The following ATP4A variants were observed in gnomAD, a reference collection of about 807,000 sequenced individuals.
The protein encoded by ATP4A is potassium-transporting ATPase alpha chain 1.
A neutral mutation model predicts 112.1 loss-of-function variants in ATP4A; 73 were observed. The ratio of observed to expected loss-of-function variants is 0.65; its 90% confidence interval spans 0.54 to 0.79. The LOEUF (loss-of-function observed/expected upper bound fraction) is 0.79. Among genes scored for constraint, ATP4A ranks in the 30% least tolerant of loss-of-function variants. The pLI is 0.00. For synonymous variants in ATP4A, 588 were observed against 588.9 expected (o/e 1.00, Z 0.02); for missense variants, 1,081 against 1,425.9 (o/e 0.76, Z 3.90).
Position 35,558,523 on chromosome 19 carries a change from C to A in ATP4A, c.1366-27G>T, listed in dbSNP as rs1169669996. 1.9e-6 allele frequency: 3 copies of A among 1,588,660 alleles called. No homozygotes were observed. The highest frequency in any genetic ancestry group is 2.3e-5 in the South Asian group (2 of 87,340). ...TGGGAGCGGGGACCGGTGTCAGGGG[C>A]GAAGCCGGCTACACCAGCCTCCCGG... is the stretch of plus-strand genomic sequence containing the variant. On this transcript the variant is annotated intron_variant, in intron 9 of 21. Coordinates refer to ENST00000262623, the MANE Select transcript of ATP4A (RefSeq NM_000704.3). This position sits in a 1 kb window ranked among gnomAD's most constrained non-coding sequence, Gnocchi z 5.1.
In ATP4A at chr19:35,558,177, T is replaced by A; in HGVS notation, c.1500+185A>T. 1.3e-6 allele frequency: 1 copy of A among 772,900 alleles called. No homozygotes were observed. Among genetic ancestry groups the A allele is most frequent in the East Asian group, 2.8e-5 (1 of 36,248 alleles). The allele number at this position is 772,900 out of a possible 1,614,324, so 47.9% of individuals were successfully genotyped here. On this transcript the variant is annotated intron_variant, in intron 10 of 21. Coordinates refer to ENST00000262623, the MANE Select transcript of ATP4A (RefSeq NM_000704.3). The surrounding 1 kb of genome is among the most constrained non-coding windows in gnomAD (Gnocchi z 5.1). ...GCCGAGGAGAAGCTGTGGGCGGGGC[T>A]GGGTGGTGGGCGGGGCCTTGCCTCT...
At chr19:35,552,796 A>C (rs1193487640) in intron 18 of ATP4A, among the ~76,000 whole-genome samples, 2 of 152,174 alleles carry the variant, frequency 1.3e-5, no homozygotes, top group Non-Finnish European at 2.9e-5. Context: ...TCCACATCTG[A>C]GATGATGCAT....
Position 35,562,656 on chromosome 19 carries a change from G to A in ATP4A, c.217-18C>T, listed in dbSNP as rs748302021. On this transcript the variant is annotated intron_variant, in intron 3 of 21. Transcript: ENST00000262623. ...GAGAGGCCCTGGGACAGAGGGGCAG[G>A]GCGAGGCGGTCCTGGGGGCTTTCCT... The A allele has an allele frequency of 3.2e-6, 5 of 1,571,148 alleles. No homozygotes were observed. Among genetic ancestry groups the A allele is most frequent in the East Asian group, 2.3e-5 (1 of 42,984 alleles).
chr19:35,563,313 G>T (rs928656647), intron 2 of ATP4A, 45 bp from the exon 3 acceptor site: 5 of 1,613,426 alleles, frequency 3.1e-6, no homozygotes, highest in Non-Finnish European at 4.2e-6. Flanking sequence ...GGCTCTCCTG[G>T]CCCCCTCCCC....
chr19:35,552,205 C>T (rs1169768481), intron 18 of ATP4A, among the ~76,000 whole-genome samples: 5 of 152,164 alleles, frequency 3.3e-5, no homozygotes, highest in Admixed American at 3.3e-4. Context: ...TGCCACCATG[C>T]CTGGCAACAC....
At chr19:35,563,070 C>G in intron 3 of ATP4A, 139 bp downstream of exon 3, 4 of 851,980 alleles carry the variant, frequency 4.7e-6, no homozygotes, top group Non-Finnish European at 7.2e-6. Flanking sequence ...TTTTCTGCCT[C>G]CCTCCCTCTC....
Position 35,558,787 on chromosome 19 carries a change from C to A in ATP4A, c.1256-101G>T. 7.3e-7 allele frequency: 1 copy of A among 1,361,024 alleles called. No homozygotes were observed. The allele number at this position is 1,361,024 out of a possible 1,614,324, so 84.3% of individuals were successfully genotyped here. A position where few individuals can be genotyped will look rare whatever the true frequency, so the allele number is the denominator to read the frequency against. On this transcript the variant is annotated intron_variant, in intron 8 of 21. Coordinates refer to ENST00000262623, the MANE Select transcript of ATP4A (RefSeq NM_000704.3). This position sits in a 1 kb window ranked among gnomAD's most constrained non-coding sequence, Gnocchi z 5.1. Reference sequence around the variant, plus strand: ...TCATATCGCGGGCCCCCTCCCCAGACCTGGGTGGAATTGGGTTCCACCCAA... The same window carrying A: ...TCATATCGCGGGCCCCCTCCCCAGAACTGGGTGGAATTGGGTTCCACCCAA...
rs1397272728 is a variant in ATP4A at position 35,550,667 on chromosome 19, G to T, written c.3080-24C>A. The stretch of plus-strand genomic sequence containing the variant: ...GCCTGGGAGAGAGAGGGAGAAAGGA[G>T]ACTCAGTGCTGGGGGTGCCACTTAG... On this transcript the variant is annotated intron_variant, in intron 21 of 21. Coordinates refer to ENST00000262623, the MANE Select transcript of ATP4A (RefSeq NM_000704.3). The surrounding 1 kb of genome is among the most constrained non-coding windows in gnomAD (Gnocchi z 4.1). 3 of 1,613,726 alleles carry T rather than the reference G, an allele frequency of 1.9e-6. No individual in the cohort carries two copies. The highest frequency in any genetic ancestry group is 1.7e-6 in the Non-Finnish European group (2 of 1,179,840).
chr19:35,560,994 C>A lies in ATP4A; in HGVS notation c.421-62G>T. On this transcript the variant is annotated intron_variant, in intron 4 of 21. Transcript: ENST00000262623. The surrounding 1 kb of genome is among the most constrained non-coding windows in gnomAD (Gnocchi z 5.1). ...CCGGAAGCTGCCTGCCTGAGGCCAC[C>A]GACCTGCTCCCTGGTGCCCTGGTTT... is the stretch of plus-strand genomic sequence containing the variant. The A allele has an allele frequency of 7.2e-7, 1 of 1,394,042 alleles. No homozygotes were observed. The highest frequency in any genetic ancestry group is 1.0e-6 in the Non-Finnish European group (1 of 982,470). The allele number at this position is 1,394,042 out of a possible 1,614,324, so 86.4% of individuals were successfully genotyped here.
At position 35,559,719 on chromosome 19, in the gene ATP4A, G is replaced by T; in HGVS notation, c.1056+86C>A. 6.5e-7 allele frequency: 1 copy of T among 1,529,938 alleles called. No individual in the cohort carries two copies. Among genetic ancestry groups the T allele is most frequent in the East Asian group, 2.3e-5 (1 of 42,862 alleles). The allele number at this position is 1,529,938 out of a possible 1,614,324, so 94.8% of individuals were successfully genotyped here. A position where few individuals can be genotyped will look rare whatever the true frequency, so the allele number is the denominator to read the frequency against. ...AGCTAAGTGGACAGATAGACAGGCA[G>T]GGAGGTGATGGGGGAAATGTGGAGG... is the stretch of plus-strand genomic sequence containing the variant. On this transcript the variant is annotated intron_variant, in intron 7 of 21. Transcript: ENST00000262623. This position sits in a 1 kb window ranked among gnomAD's most constrained non-coding sequence, Gnocchi z 4.1.
Position 35,555,393 on chromosome 19 carries a change from A to T in ATP4A, c.2157+47T>A, listed in dbSNP as rs534088203. 3.1e-6 allele frequency: 5 copies of T among 1,591,770 alleles called. No homozygotes were observed. The highest frequency in any genetic ancestry group is 4.3e-6 in the Non-Finnish European group (5 of 1,167,858). ...GTCAGTGAGAGGCCGGTCCAAGACCAGCCCCGCCTGTCTGCCCGCCTGCCC... is the reference window on the plus strand; with the variant it reads ...GTCAGTGAGAGGCCGGTCCAAGACCTGCCCCGCCTGTCTGCCCGCCTGCCC... On this transcript the variant is annotated intron_variant, in intron 14 of 21. Transcript: ENST00000262623. The surrounding 1 kb of genome is among the most constrained non-coding windows in gnomAD (Gnocchi z 6.6).
chr19:35,562,174 C>G (rs1362609161), intron 4 of ATP4A, among the ~76,000 whole-genome samples: 4 of 152,122 alleles, frequency 2.6e-5, no homozygotes, highest in African/African-American at 9.7e-5. Context: ...CCATCTCTTA[C>G]GTATCACATT....
Position 35,560,494 on chromosome 19 carries a change from G to A in ATP4A, c.656C>T (p.Ala219Val). The A allele has an allele frequency of 6.2e-7, 1 of 1,613,554 alleles. No homozygotes were observed. Among genetic ancestry groups the A allele is most frequent in the African/African-American group, 1.3e-5 (1 of 75,044 alleles). ...GGAGTTGTCCACCTTGCAGCCCTGG[G>A]CCGCCAGGATGCGGATGTCGGCGGG... ...RVPADIRILA[A>V]QGCKVDNSSL... is the part of the protein sequence containing the mutation. Residue 219 changes from alanine to valine, a missense_variant, in exon 6 of 22, where the codon GCC becomes GTC. By Grantham distance (64) the Ala-to-Val change is moderately conservative. This residue lies in a region of ATP4A where 850 missense variants were observed against 1,068.2 expected (regional missense o/e 0.80). Transcript: ENST00000262623. The surrounding 1 kb of genome is among the most constrained non-coding windows in gnomAD (Gnocchi z 5.1).
chr19:35,556,829 T>G, intron 12 of ATP4A, 84 bp downstream of exon 12: 1 of 1,504,652 alleles, frequency 6.6e-7, no homozygotes, highest in Non-Finnish European at 9.0e-7. Context: ...CAGTTTCAGG[T>G]GGGTTTGTCA....
At position 35,559,002 on chromosome 19, in the gene ATP4A, C is replaced by T. The variant is rs1319277566; in HGVS notation, c.1246G>A (p.Asp416Asn). The change falls in exon 8 of 22, where the codon GAC (aspartate) becomes AAC (asparagine). Residue 416 changes from aspartate to asparagine, a missense_variant. Coordinates refer to ENST00000262623, the MANE Select transcript of ATP4A (RefSeq NM_000704.3). The surrounding 1 kb of genome is among the most constrained non-coding windows in gnomAD (Gnocchi z 4.1). ...CCTCCCTCCCCCACACCTGACTGGT[C>T]TTCCGTGGTGTCAGCTGTGTGGATG... Reference protein sequence around the residue: ...NHIHTADTTEDQSGQTFDQSS... With the variant: ...NHIHTADTTENQSGQTFDQSS... 6.2e-7 allele frequency: 1 copy of T among 1,614,182 alleles called. No individual in the cohort carries two copies. Among genetic ancestry groups the T allele is most frequent in the Admixed American group, 1.7e-5 (1 of 60,032 alleles).
chr19:35,555,721 T>C lies in ATP4A; in HGVS notation c.1961A>G (p.Asp654Gly), dbSNP rs1248791439. 5.0e-6 allele frequency: 8 copies of C among 1,612,914 alleles called. No homozygotes were observed. The highest frequency in any genetic ancestry group is 6.8e-6 in the Non-Finnish European group (8 of 1,179,008). The change falls in exon 13 of 22, where the codon GAC becomes GGC. Residue 654 changes from aspartate to glycine, a missense_variant. Asp to Gly is a moderately conservative substitution (Grantham distance 94). Transcript: ENST00000262623. The surrounding 1 kb of genome is among the most constrained non-coding windows in gnomAD (Gnocchi z 6.6). Reference sequence around the variant, plus strand: ...GGGCACACGGAGGCGGGCAGCGATGTCCTCCACTGTCTCGCTGCCTTCCGA... The same window carrying C: ...GGGCACACGGAGGCGGGCAGCGATGCCCTCCACTGTCTCGCTGCCTTCCGA... ...IISEGSETVEDIAARLRVPVD... is the reference protein window; with the variant it reads ...IISEGSETVEGIAARLRVPVD...
chr19:35,551,622 G>C lies in ATP4A; in HGVS notation c.2752-42C>G. On this transcript the variant is annotated intron_variant, in intron 18 of 21. Coordinates refer to ENST00000262623, the MANE Select transcript of ATP4A (RefSeq NM_000704.3). This position sits in a 1 kb window ranked among gnomAD's most constrained non-coding sequence, Gnocchi z 5.2. ...AACGGAAACAGCCTGAGTCCAGCCT[G>C]AGTCCCGGCGGAGAGCCTCTGCAGC... is the stretch of plus-strand genomic sequence containing the variant. 1.3e-6 allele frequency: 2 copies of C among 1,591,614 alleles called. No homozygotes were observed. The highest frequency in any genetic ancestry group is 8.6e-7 in the Non-Finnish European group (1 of 1,168,842).
intron 4 of ATP4A, among the ~76,000 whole-genome samples, chr19:35,561,518 G>A (rs368167123): frequency 9.9e-5 from 15 of 151,940 alleles, no homozygotes; most frequent in East Asian, 9.7e-4. Flanking sequence ...ACTGTGTCCC[G>A]TGTCTCCCAT....
rs2071596224 is a variant in ATP4A, at chr19:35,550,678, G to A, written c.3080-35C>T. On this transcript the variant is annotated intron_variant, in intron 21 of 21. Coordinates refer to ENST00000262623, the MANE Select transcript of ATP4A (RefSeq NM_000704.3). The surrounding 1 kb of genome is among the most constrained non-coding windows in gnomAD (Gnocchi z 4.1). ...AGAGGGAGAAAGGAGACTCAGTGCT[G>A]GGGGTGCCACTTAGGCAGGGCCAGG... 6.2e-7 allele frequency: 1 copy of A among 1,613,720 alleles called. No homozygotes were observed. Among genetic ancestry groups the A allele is most frequent in the Non-Finnish European group, 8.5e-7 (1 of 1,179,748 alleles).
Sources: allele counts gnomAD v4.1 joint callset (sites outside exome capture counted in the v4.1 genomes callset), GRCh38; gene constraint gnomAD v4.1.1; regional missense constraint gnomAD v4.1.1; non-coding constraint Gnocchi (gnomAD v3.1); transcripts MANE v1.5; gene names NCBI Gene and HGNC (gene_info 2026-07-23, HGNC 2026-07-21).